Variants in POTEC observed in about 807,000 individuals in gnomAD.
The protein encoded by POTEC is POTE ankyrin domain family member C.
Under a neutral mutation model 62.0 loss-of-function variants are expected in POTEC, and 35 were observed. The ratio of observed to expected loss-of-function variants is 0.56; its 90% CI spans 0.43 to 0.75. POTEC has a LOEUF of 0.75. Ranked by LOEUF, POTEC falls within the 30% of genes least tolerant of loss-of-function variation. POTEC has a pLI of 0.00. For synonymous variants in POTEC, 156 were observed against 221.5 expected (o/e 0.70, Z 2.62); for missense variants, 472 against 655.9 (o/e 0.72, Z 3.06).
At chr18:14,525,354 A>G (rs1258856455) in intron 6 of POTEC, among the ~76,000 whole-genome samples, 2 of 152,124 alleles carry the variant, frequency 1.3e-5, no homozygotes, top group African/African-American at 4.8e-5. Flanking sequence ...TCCTGCACTT[A>G]GCTACTCTGA....
rs1443597154 is a variant in POTEC, at chr18:14,513,723, T to C, written c.1472A>G (p.Asp491Gly). 2 of 1,611,644 alleles carry C rather than the reference T, an allele frequency of 1.2e-6. No individual in the cohort carries two copies. Among genetic ancestry groups the C allele is most frequent in the Admixed American group, 1.7e-5 (1 of 59,956 alleles). Residue 491 changes from aspartate to glycine, a missense_variant, in exon 10 of 11, where the codon GAT becomes GGT. Transcript: ENST00000358970. ...SEEQNTGISQ[D>G]EILTNKQKQI... ...CTTTTGTTTATTAGTCAGAATCTCA[T>C]CTTGTGATATTCCAGTGTTCTGTTC...
At position 14,510,083 on chromosome 18, in the gene POTEC, G is replaced by T. The variant is rs1909959575; in HGVS notation, c.*1815C>A. Reference sequence around the variant, plus strand: ...CCACTACTTTCCTTGTCTCCTGGGGGCTCCACCCCAGAGAGGTGTAAGTTA... The same window carrying T: ...CCACTACTTTCCTTGTCTCCTGGGGTCTCCACCCCAGAGAGGTGTAAGTTA... On this transcript the variant is annotated 3_prime_UTR_variant, in exon 11 of 11. Transcript: ENST00000358970. The T allele has an allele frequency of 6.7e-6, 1 of 149,602 alleles. No individual in the cohort carries two copies. Among genetic ancestry groups the T allele is most frequent in the Non-Finnish European group, 1.5e-5 (1 of 67,668 alleles). The allele number at this position is 149,602 out of a possible 1,614,324, so 9.3% of individuals were successfully genotyped here. A position where few individuals can be genotyped will look rare whatever the true frequency, so the allele number is the denominator to read the frequency against.
intron 9 of POTEC, among the ~76,000 whole-genome samples, chr18:14,521,306 T>C (rs959394548): frequency 4.6e-5 from 7 of 152,162 alleles, no homozygotes; most frequent in African/African-American, 1.7e-4. Flanking sequence ...TCTAACAAAA[T>C]TATCTTAAGA....
chr18:14,543,049 G>A lies in POTEC; in HGVS notation c.98C>T (p.Pro33Leu), dbSNP rs776395713. ...GCTCTTGCCGCTCCCCTTGCAGCAG[G>A]GGAAGCGGTGGTGAAACCACTTGCC... is the stretch of plus-strand genomic sequence containing the variant. ...KMGKWFHHRF[P>L]CCKGSGKSNM... is the part of the protein sequence containing the mutation. Residue 33 changes from proline (P) to leucine (L), a missense_variant, in exon 1 of 11, where the codon CCC becomes CTC. Coordinates refer to ENST00000358970, the MANE Select transcript of POTEC (RefSeq NM_001137671.2). 2 of 1,605,898 alleles carry A rather than the reference G, an allele frequency of 1.2e-6. No individual in the cohort carries two copies. Among genetic ancestry groups the A allele is most frequent in the African/African-American group, 1.3e-5 (1 of 74,620 alleles).
Position 14,542,975 on chromosome 18 carries a change from T to C in POTEC, c.172A>G (p.Arg58Gly). The C allele has an allele frequency of 6.4e-7, 1 of 1,573,796 alleles. No individual in the cohort carries two copies. Among genetic ancestry groups the C allele is most frequent in the Non-Finnish European group, 8.6e-7 (1 of 1,157,080 alleles). ...TGGCAACACTTGCCCATCTTGCTCC[T>C]GAGCATCTTCATAAAGGAGTCGTCG... Reference protein sequence around the residue: ...DHDDSFMKMLRSKMGKCCHHC... With the variant: ...DHDDSFMKMLGSKMGKCCHHC... The change falls in exon 1 of 11, where the codon AGG becomes GGG. Residue 58 changes from arginine to glycine, a missense_variant. By Grantham distance (125) the Arg-to-Gly change is moderately radical. This residue lies in a region of POTEC where 257 missense variants were observed against 250.7 expected (regional missense o/e 1.03). Coordinates refer to ENST00000358970, the MANE Select transcript of POTEC (RefSeq NM_001137671.2).
intron 9 of POTEC, among the ~76,000 whole-genome samples, chr18:14,518,563 A>G (rs1303074569): frequency 7.0e-6 from 1 of 142,876 alleles, no homozygotes; most frequent in Admixed American, 7.2e-5. Context: ...GTTAGAGAGC[A>G]TCCCTGGTAG....
rs1207866045 is a variant in POTEC, at chr18:14,537,846, G to C, written c.765C>G (p.Ala255=). 3.7e-6 allele frequency: 6 copies of C among 1,611,980 alleles called. No homozygotes were observed. Among genetic ancestry groups the C allele is most frequent in the Non-Finnish European group, 5.1e-6 (6 of 1,179,686 alleles). ...YAVHNEDKLM[A]KALLLYGADI... ...CAGCACCATATAAGAGCAGTGCTTT[G>C]GCCATTAATTTATCTTCATTGTGGA... The change falls in exon 3 of 11, where the codon GCC becomes GCG. Residue 255 remains alanine, a synonymous_variant. Coordinates refer to ENST00000358970, the MANE Select transcript of POTEC (RefSeq NM_001137671.2).
In POTEC at chr18:14,511,754, T is replaced by C. The variant is rs1910012800; in HGVS notation, c.*144A>G. On this transcript the variant is annotated 3_prime_UTR_variant, in exon 11 of 11. Coordinates refer to ENST00000358970, the MANE Select transcript of POTEC (RefSeq NM_001137671.2). ...TCTCAGTTGTCAAAATCCTAAGCTG[T>C]CCACTGTACTTAAATATTGGTTTTC... is the stretch of plus-strand genomic sequence containing the variant. 1 of 820,450 alleles carries C rather than the reference T, an allele frequency of 1.2e-6. No individual in the cohort carries two copies. Among genetic ancestry groups the C allele is most frequent in the Non-Finnish European group, 2.1e-6 (1 of 484,568 alleles). The allele number at this position is 820,450 out of a possible 1,614,324, so 50.8% of individuals were successfully genotyped here.
intron 3 of POTEC, among the ~76,000 whole-genome samples, chr18:14,537,242 C>A (rs1905772903): frequency 7.4e-6 from 1 of 135,822 alleles, no homozygotes; most frequent in Admixed American, 7.3e-5. Context: ...AAAACCTCTT[C>A]ATGGTCTTTT....
intron 6 of POTEC, among the ~76,000 whole-genome samples, chr18:14,530,194 A>G (rs1905457777): frequency 1.3e-5 from 2 of 151,998 alleles, no homozygotes; most frequent in South Asian, 4.2e-4. Context: ...ATGCCTGATG[A>G]TATGTCACTG....
rs748411493 is a variant in POTEC, at chr18:14,526,287, G to A, written c.1127-1304C>T. Among the ~76,000 whole-genome samples, 102 of 152,158 alleles carry A rather than the reference G, an allele frequency of 6.7e-4. 1 individual carries two copies. Among genetic ancestry groups the A allele is most frequent in the South Asian group, 1.2e-3 (6 of 4,822 alleles). Reference sequence around the variant, plus strand: ...ATAAACAGGTAACTCCTTCCTTGAGGTAGCCTTAGGACCTCACTGATTTTT... The same window carrying A: ...ATAAACAGGTAACTCCTTCCTTGAGATAGCCTTAGGACCTCACTGATTTTT... On this transcript the variant is annotated intron_variant, in intron 6 of 10. Coordinates refer to ENST00000358970, the MANE Select transcript of POTEC (RefSeq NM_001137671.2).
intron 9 of POTEC, among the ~76,000 whole-genome samples, chr18:14,518,837 A>G (rs1231766440): frequency 6.7e-6 from 1 of 150,242 alleles, no homozygotes; most frequent in Non-Finnish European, 1.5e-5. Flanking sequence ...GCAAGAATTC[A>G]GTGTGGCTGA....
rs1397188148 is a variant in POTEC at position 14,514,287 on chromosome 18, T to C, written c.1410-502A>G. On this transcript the variant is annotated intron_variant, in intron 9 of 10. Coordinates refer to ENST00000358970, the MANE Select transcript of POTEC (RefSeq NM_001137671.2). ...TCCTATGACAATCTAATGTCACCGC[T>C]GATCTGACAGGAGGAGGAGCTCAGA... Among the ~76,000 whole-genome samples, 4 of 151,794 alleles carry C rather than the reference T, an allele frequency of 2.6e-5. No individual in the cohort carries two copies. The East Asian group carries it at 7.8e-4, about 30-fold the overall frequency.
At chr18:14,512,440 A>C (rs1910034002) in intron 10 of POTEC, among the ~76,000 whole-genome samples, 1 of 152,230 alleles carries the variant, frequency 6.6e-6, no homozygotes, top group Non-Finnish European at 1.5e-5. Flanking sequence ...TGTTTTATCA[A>C]TATACTGCTG....
rs528013699 is a variant in POTEC at position 14,539,432 on chromosome 18, C to T, written c.522-1183G>A. Among the ~76,000 whole-genome samples, 8 of 141,634 alleles carry T rather than the reference C, an allele frequency of 5.6e-5. No homozygotes were observed. The South Asian group carries it at 1.9e-3, about 33-fold the overall frequency. The allele number at this position is 141,634 out of a possible 152,430, so 92.9% of individuals were successfully genotyped here. Reference sequence around the variant, plus strand: ...TCCTGCTTCTTTCCTTCCTCCCACCCTCCACCCTCTGATAGGCCCCAGTGT... The same window carrying T: ...TCCTGCTTCTTTCCTTCCTCCCACCTTCCACCCTCTGATAGGCCCCAGTGT... On this transcript the variant is annotated intron_variant, in intron 1 of 10. Coordinates refer to ENST00000358970, the MANE Select transcript of POTEC (RefSeq NM_001137671.2).
chr18:14,532,352 A>G (rs1344816487), intron 5 of POTEC, among the ~76,000 whole-genome samples: 1 of 152,048 alleles, frequency 6.6e-6, no homozygotes, highest in Non-Finnish European at 1.5e-5. Context: ...CAGCGGCCAG[A>G]GCAGGGTGCT....
At chr18:14,529,195 A>G (rs184246489) in intron 6 of POTEC, 1 of 309,150 alleles carries the variant, frequency 3.2e-6, no homozygotes, top group Non-Finnish European at 6.3e-6. Flanking sequence ...GCACACAGTA[A>G]GCACTGAATA....
intron 3 of POTEC, among the ~76,000 whole-genome samples, chr18:14,537,210 C>A (rs200565782): frequency 0.14 from 8,973 of 64,334 alleles, 529 homozygotes; most frequent in African/African-American, 0.23. Flanking sequence ...CACACACACA[C>A]AAAAAAAAAA....
rs922041566 is a variant in POTEC, at chr18:14,510,293, G to C, written c.*1605C>G. ...TGGCACTTAGGGTCTTTGCTCCCTT[G>C]ATATTCTGAGGGTAGCAAGGGCAGT... is the stretch of plus-strand genomic sequence containing the variant. On this transcript the variant is annotated 3_prime_UTR_variant, in exon 11 of 11. Transcript: ENST00000358970. The C allele has an allele frequency of 2.0e-5, 3 of 152,070 alleles. No homozygotes were observed. Among genetic ancestry groups the C allele is most frequent in the African/African-American group, 7.2e-5 (3 of 41,380 alleles). 9.4% of individuals were successfully genotyped at this position (152,070 alleles called of 1,614,324 possible). A position where few individuals can be genotyped will look rare whatever the true frequency, so the allele number is the denominator to read the frequency against.
Sources: gnomAD v4.1 joint callset for allele counts (sites outside exome capture counted in the v4.1 genomes callset) on GRCh38, gnomAD v4.1.1 for gene constraint, gnomAD v4.1.1 regional missense constraint, MANE v1.5 for transcripts, NCBI Gene and HGNC (gene_info 2026-07-23, HGNC 2026-07-21) for gene names.